Variants in RNF115 observed in about 807,000 individuals in gnomAD.
The protein encoded by RNF115 is E3 ubiquitin-protein ligase RNF115.
Under a neutral mutation model 39.2 loss-of-function variants are expected in RNF115, and 31 were observed. That is an observed-to-expected ratio of 0.79 (90% CI 0.59 to 1.07). The LOEUF is 1.07. Ranked by LOEUF, RNF115 falls within the 50% of genes least tolerant of loss-of-function variation. The pLI is 0.00. For missense variants in RNF115, 384 were observed against 381.7 expected (o/e 1.01, Z -0.05); for synonymous variants, 124 against 131.0 (o/e 0.95, Z 0.37).
intron 3 of RNF115, among the ~76,000 whole-genome samples, chr1:145,776,326 G>A (rs1410700707): frequency 1.3e-5 from 2 of 151,462 alleles, no homozygotes; most frequent in Admixed American, 6.6e-5. Flanking sequence ...CACCATGCCC[G>A]ACTAATTTTT....
chr1:145,760,400 G>C (rs1658453485), intron 4 of RNF115, among the ~76,000 whole-genome samples: 1 of 152,176 alleles, frequency 6.6e-6, no homozygotes, highest in African/African-American at 2.4e-5. Context: ...TGGTTTGGCT[G>C]TGTCTCCACC....
At chr1:145,764,827 G>A (rs1168785383) in intron 4 of RNF115, among the ~76,000 whole-genome samples, 27 of 150,382 alleles carry the variant, frequency 1.8e-4, no homozygotes, top group Non-Finnish European at 2.7e-4. Context: ...CCGGCCAGCC[G>A]CCCCGTCCGG....
At chr1:145,788,668 C>T (rs1648498557) in intron 2 of RNF115, 1 of 632,210 alleles carries the variant, frequency 1.6e-6, no homozygotes, top group African/African-American at 1.8e-5. Context: ...CAATCAGGAG[C>T]AGTGCGTATC....
intron 3 of RNF115, chr1:145,772,443 A>G (rs1264688420): frequency 6.5e-6 from 1 of 153,074 alleles, no homozygotes; most frequent in Non-Finnish European, 1.5e-5. Flanking sequence ...GCTATTGTTT[A>G]TCTGGGTATG....
chr1:145,768,775 T>G (rs782558815), intron 4 of RNF115, among the ~76,000 whole-genome samples: 4 of 152,214 alleles, frequency 2.6e-5, no homozygotes, highest in Non-Finnish European at 4.4e-5. Context: ...CAATCAATTT[T>G]TAAAAATGTA....
Position 145,744,782 on chromosome 1 carries a change from T to G in RNF115, c.*2084A>C, listed in dbSNP as rs587654150. ...GGTGCCCCTCTGTACCTTTTTTTGG[T>G]ACACCAACAGTTGTTCTATGTCCCC... is the stretch of plus-strand genomic sequence containing the variant. On this transcript the variant is annotated 3_prime_UTR_variant, in exon 9 of 9. Transcript: ENST00000582693. The G allele has an allele frequency of 6.6e-6, 1 of 152,324 alleles. No homozygotes were observed. The highest frequency in any genetic ancestry group is 2.1e-4 in the South Asian group (1 of 4,820). 9.4% of individuals were successfully genotyped at this position (152,324 alleles called of 1,614,324 possible).
intron 5 of RNF115, among the ~76,000 whole-genome samples, chr1:145,752,756 T>G (rs1658141100): frequency 6.6e-6 from 1 of 151,672 alleles, no homozygotes; most frequent in Non-Finnish European, 1.5e-5. Flanking sequence ...CCTGGCTAAT[T>G]TTTTATATTT....
intron 3 of RNF115, among the ~76,000 whole-genome samples, chr1:145,778,535 G>T (rs1055652735): frequency 3.3e-5 from 5 of 151,908 alleles, no homozygotes; most frequent in Non-Finnish European, 7.4e-5. Context: ...GTCAATTAAG[G>T]GTAAATAATT....
At chr1:145,768,929 C>T (rs1647511512) in intron 4 of RNF115, among the ~76,000 whole-genome samples, 1 of 152,090 alleles carries the variant, frequency 6.6e-6, no homozygotes, top group East Asian at 1.9e-4. Context: ...TTTATTTATA[C>T]TTCTATGAAA....
chr1:145,821,496 G>T (rs1416925463), intron 1 of RNF115, among the ~76,000 whole-genome samples: 1 of 85,760 alleles, frequency 1.2e-5, no homozygotes, highest in Non-Finnish European at 2.8e-5. Flanking sequence ...ACAGGGTCTG[G>T]CTCTATTGCC....
chr1:145,811,326 T>TG (rs1649682488), intron 1 of RNF115, among the ~76,000 whole-genome samples: 1 of 122,642 alleles, frequency 8.2e-6, no homozygotes, highest in Non-Finnish European at 1.6e-5. Context: ...AAAACCAGCC[T>TG]GGGCAACTAA....
intron 1 of RNF115, among the ~76,000 whole-genome samples, chr1:145,799,779 A>G (rs1350404082): frequency 6.6e-6 from 1 of 152,070 alleles, no homozygotes; most frequent in Non-Finnish European, 1.5e-5. Flanking sequence ...TTTTTTGCAG[A>G]GATTAGGTCT....
At chr1:145,787,022 G>C in intron 2 of RNF115, 1 of 1,265,030 alleles carries the variant, frequency 7.9e-7, no homozygotes, top group African/African-American at 1.5e-5. Flanking sequence ...TGTAAAATGT[G>C]TAGTTTTTCC....
At chr1:145,819,271 CAAAAAAAAAAAAAAAAAAAAA>C (rs59058505) in intron 1 of RNF115, among the ~76,000 whole-genome samples, 2 of 52,256 alleles carry the variant, frequency 3.8e-5, no homozygotes, top group Non-Finnish European at 7.9e-5. Flanking sequence ...CCTTATCTCT[CAAAAAAAAAAAAAAAAAAAAA>C]AAAAAAAACA....
Position 145,800,196 on chromosome 1 carries a change from C to T in RNF115, c.103-11230G>A, listed in dbSNP as rs587648845. ...GCGGCCATTTAAAATAAAAGTAGAT[C>T]AGAAGTAATTTGTTACATTAGAGAA... On this transcript the variant is annotated intron_variant, in intron 1 of 8. Transcript: ENST00000582693. Among the ~76,000 whole-genome samples, 3 of 152,226 alleles carry T rather than the reference C, an allele frequency of 2.0e-5. No homozygotes were observed. In the East Asian group the frequency reaches 5.8e-4, roughly 29 times the overall value.
rs974357715 is a variant in RNF115, at chr1:145,764,819, G to A, written c.428+6892C>T. ...AGGGAGATGGGGGGTGCCTCCGCCC[G>A]GCCAGCCGCCCCGTCCGGGAGGTGG... On this transcript the variant is annotated intron_variant, in intron 4 of 8. Transcript: ENST00000582693. Among the ~76,000 whole-genome samples the A allele has an allele frequency of 2.2e-4, 33 of 149,680 alleles. No individual in the cohort carries two copies. In the East Asian group the frequency reaches 3.3e-3, roughly 15 times the overall value.
Position 145,771,745 on chromosome 1 carries a change from T to C in RNF115, c.394A>G (p.Ser132Gly). ...GCTGGAGATCTGTCAGGACGAGAAC[T>C]TCCTCGAGATCTGTATCTCCGACCC... ...PLGRRYRSRG[S>G]SRPDRSPAIE... is the part of the protein sequence containing the mutation. Residue 132 changes from serine to glycine, a missense_variant, in exon 4 of 9, where the codon AGT becomes GGT. By Grantham distance (56) the Ser-to-Gly change is moderately conservative (BLOSUM62 0). Coordinates refer to ENST00000582693, the MANE Select transcript of RNF115 (RefSeq NM_014455.4). 1.9e-6 allele frequency: 3 copies of C among 1,614,138 alleles called. No individual in the cohort carries two copies. Among genetic ancestry groups the C allele is most frequent in the Non-Finnish European group, 2.5e-6 (3 of 1,179,994 alleles).
In RNF115 at chr1:145,823,966, G is replaced by T; in HGVS notation, c.-93C>A. 2 of 900,236 alleles carry T rather than the reference G, an allele frequency of 2.2e-6. No individual in the cohort carries two copies. Among genetic ancestry groups the T allele is most frequent in the Non-Finnish European group, 3.1e-6 (2 of 645,488 alleles). The allele number at this position is 900,236 out of a possible 1,614,324, so 55.8% of individuals were successfully genotyped here. A position where few individuals can be genotyped will look rare whatever the true frequency, so the allele number is the denominator to read the frequency against. On this transcript the variant is annotated 5_prime_UTR_variant, in exon 1 of 9. Coordinates refer to ENST00000582693, the MANE Select transcript of RNF115 (RefSeq NM_014455.4). ...AGCTGCAGTCGTCGCCGCCGCCGCCGCCTCGGTGCGGCCCACCGCTTCAGA... is the reference window on the plus strand; with the variant it reads ...AGCTGCAGTCGTCGCCGCCGCCGCCTCCTCGGTGCGGCCCACCGCTTCAGA...
rs375650900 is a variant in RNF115, at chr1:145,756,759, C to T, written c.429-3710G>A. On this transcript the variant is annotated intron_variant, in intron 4 of 8. Transcript: ENST00000582693. ...ATTCCTTGATTTGTAGATGTATGCCCCCCACAACCTCTGCCTCTGTCATCA... is the reference window on the plus strand; with the variant it reads ...ATTCCTTGATTTGTAGATGTATGCCTCCCACAACCTCTGCCTCTGTCATCA... Among the ~76,000 whole-genome samples the T allele has an allele frequency of 4.6e-5, 7 of 151,764 alleles. No homozygotes were observed. The East Asian group carries it at 7.7e-4, about 17-fold the overall frequency.
Sources: gnomAD v4.1 joint callset for allele counts (sites outside exome capture counted in the v4.1 genomes callset) on GRCh38, gnomAD v4.1.1 for gene constraint, MANE v1.5 for transcripts, NCBI Gene and HGNC (gene_info 2026-07-23, HGNC 2026-07-21) for gene names.